ST7: variants seen among roughly 807,000 people sequenced by gnomAD.
The protein encoded by ST7 is suppression of tumorigenicity 7, also known as suppressor of tumorigenicity 7 protein.
In ST7, 28 loss-of-function variants were observed where a neutral mutation model predicts 78.7. The ratio of observed to expected loss-of-function variants is 0.36; its 90% CI spans 0.26 to 0.49. The LOEUF (loss-of-function observed/expected upper bound fraction) is 0.49, where lower values mean the gene tolerates loss of function less well. Ranked by LOEUF, ST7 falls within the 20% of genes least tolerant of loss-of-function variation. The pLI is 0.99. For missense variants in ST7, 418 were observed against 696.0 expected (o/e 0.60, Z 4.49); for synonymous variants, 247 against 249.6 (o/e 0.99, Z 0.10).
intron 9 of ST7, chr7:117,146,038 T>TA (rs2117123045): frequency 6.6e-6 from 1 of 152,254 alleles, no homozygotes; most frequent in African/African-American, 2.4e-5. Context: ...ACAGGGTTTT[T>TA]AGTTTTTATC....
At position 117,190,478 on chromosome 7, in the gene ST7, C is replaced by T. The variant is rs1020279913; in HGVS notation, c.1152-356C>T. ...TCCCAGTTCTGTTTTTAACCAAGTG[C>T]GCTCTTCTGTAACCTAGTTTTCTCT... On this transcript the variant is annotated intron_variant, in intron 11 of 15. Transcript: ENST00000323984. The surrounding 1 kb of genome is among the most constrained non-coding windows in gnomAD (Gnocchi z 5.2). Among the ~76,000 whole-genome samples the T allele has an allele frequency of 4.6e-5, 7 of 152,182 alleles. No individual in the cohort carries two copies. Among genetic ancestry groups the T allele is most frequent in the South Asian group, 2.1e-4 (1 of 4,832 alleles).
chr7:117,026,902 C>T (rs553004104), intron 1 of ST7, among the ~76,000 whole-genome samples: 1 of 152,138 alleles, frequency 6.6e-6, no homozygotes, highest in African/African-American at 2.4e-5. Flanking sequence ...TTAAGGGACC[C>T]AATAGGAGGT....
chr7:117,193,102 T>C, intron 12 of ST7, among the ~76,000 whole-genome samples: 1 of 151,434 alleles, frequency 6.6e-6, no homozygotes, highest in Admixed American at 6.6e-5. Context: ...AGCCACAGAT[T>C]TCTAATATAC....
chr7:117,197,978 G>A (rs1810478917), intron 12 of ST7, among the ~76,000 whole-genome samples: 1 of 152,168 alleles, frequency 6.6e-6, no homozygotes, highest in Non-Finnish European at 1.5e-5. Flanking sequence ...GGCTGAGCCA[G>A]AAGGTCAAGA....
chr7:117,032,174 G>A (rs933413544), intron 1 of ST7, among the ~76,000 whole-genome samples: 25 of 151,900 alleles, frequency 1.6e-4, no homozygotes, highest in Non-Finnish European at 2.9e-5. Flanking sequence ...GAGCCACCAC[G>A]CCTGGCCTAG....
chr7:117,130,609 A>G lies in ST7; in HGVS notation c.565+3A>G. ...CCATCTGCGTCCCGCAGATGCAAGTATGAAAAATCCATACATCCTTCTGAA... is the reference window on the plus strand; with the variant it reads ...CCATCTGCGTCCCGCAGATGCAAGTGTGAAAAATCCATACATCCTTCTGAA... On this transcript the variant is annotated splice_donor_region_variant and intron_variant, in intron 5 of 15. Transcript: ENST00000323984. The G allele has an allele frequency of 6.2e-7, 1 of 1,607,128 alleles. No homozygotes were observed. Among genetic ancestry groups the G allele is most frequent in the Non-Finnish European group, 8.5e-7 (1 of 1,176,008 alleles).
chr7:117,223,986 A>T (rs1018570370), intron 15 of ST7: 1 of 965,610 alleles, frequency 1.0e-6, no homozygotes, highest in East Asian at 1.1e-4. Context: ...CTTCTTGTAT[A>T]CTTATAATCA....
chr7:117,122,943 G>A (rs1803521616), intron 3 of ST7, among the ~76,000 whole-genome samples: 2 of 152,148 alleles, frequency 1.3e-5, no homozygotes, highest in Non-Finnish European at 2.9e-5. Context: ...TAAGTATCAA[G>A]AAGGTCCAAA....
chr7:117,062,544 A>G (rs1798413871), intron 1 of ST7, among the ~76,000 whole-genome samples: 1 of 152,182 alleles, frequency 6.6e-6, no homozygotes, highest in African/African-American at 2.4e-5. Flanking sequence ...GGTCTGTTAG[A>G]ATGCTAAGCA....
At chr7:117,096,157 A>C (rs1223081514) in intron 1 of ST7, among the ~76,000 whole-genome samples, 4 of 150,380 alleles carry the variant, frequency 2.7e-5, no homozygotes, top group Non-Finnish European at 5.9e-5. Flanking sequence ...TTTCTGGTCC[A>C]ATTTTTAGGC....
chr7:117,064,290 G>A (rs1260737080), intron 1 of ST7, among the ~76,000 whole-genome samples: 2 of 151,936 alleles, frequency 1.3e-5, no homozygotes, highest in Non-Finnish European at 1.5e-5. Context: ...TTTAATAAAT[G>A]TGATGTAATT....
At chr7:117,209,430 A>G (rs1428542132) in intron 12 of ST7, among the ~76,000 whole-genome samples, 1 of 152,240 alleles carries the variant, frequency 6.6e-6, no homozygotes, top group Non-Finnish European at 1.5e-5. Flanking sequence ...ATAACTTCTT[A>G]ACCTTCATGT....
intron 1 of ST7, among the ~76,000 whole-genome samples, chr7:117,009,501 C>G (rs1436307721): frequency 1.3e-5 from 2 of 151,430 alleles, no homozygotes; most frequent in African/African-American, 4.9e-5. Context: ...TACACTAGAG[C>G]TTTGATTCAA....
chr7:117,074,720 A>G (rs1470782982), intron 1 of ST7: 2 of 152,216 alleles, frequency 1.3e-5, no homozygotes, highest in South Asian at 4.1e-4. Flanking sequence ...GGTAAAGTTA[A>G]GGAAACCAGC....
chr7:116,994,955 CT>C lies in ST7; in HGVS notation c.151+41269del, dbSNP rs567358008. Reference sequence around the variant, plus strand: ...TTTCCTGGGAGGTAATCAGGATCGACTTTTTCAGTCAAATGTCTTGCATGCC... The same window carrying C: ...TTTCCTGGGAGGTAATCAGGATCGACTTTTCAGTCAAATGTCTTGCATGCC... On this transcript the variant is annotated intron_variant, in intron 1 of 15. Transcript: ENST00000323984. Among the ~76,000 whole-genome samples, 48 of 152,164 alleles carry C rather than the reference CT, an allele frequency of 3.2e-4. 2 individuals are homozygous for C. The South Asian group carries it at 9.8e-3, about 31-fold the overall frequency.
intron 1 of ST7, chr7:116,972,206 T>C: frequency 7.3e-6 from 4 of 547,560 alleles, no homozygotes; most frequent in Non-Finnish European, 1.4e-5. Flanking sequence ...ACCAGCATCT[T>C]TTGTGTACAG....
At chr7:117,126,871 T>C in intron 3 of ST7, among the ~76,000 whole-genome samples, 1 of 151,898 alleles carries the variant, frequency 6.6e-6, no homozygotes, top group East Asian at 1.9e-4. Context: ...TCCGCAGACT[T>C]TGGGAACTAA....
intron 12 of ST7, among the ~76,000 whole-genome samples, chr7:117,200,200 T>G (rs1036220638): frequency 6.6e-6 from 1 of 152,170 alleles, no homozygotes; most frequent in Non-Finnish European, 1.5e-5. Context: ...CAGTCTTACA[T>G]GAAACCTTAA....
intron 1 of ST7, chr7:116,972,919 A>G: frequency 1.5e-6 from 2 of 1,311,458 alleles, no homozygotes; most frequent in South Asian, 1.2e-5. Context: ...CATGGTGCCC[A>G]CTCAGCTACT....
Sources: allele counts gnomAD v4.1 joint callset (sites outside exome capture counted in the v4.1 genomes callset), GRCh38; gene constraint gnomAD v4.1.1; non-coding constraint Gnocchi (gnomAD v3.1); transcripts MANE v1.5; gene names NCBI Gene and HGNC (gene_info 2026-07-23, HGNC 2026-07-21).